The following DLC1 variants were observed in gnomAD, a reference collection of about 807,000 sequenced individuals.
DLC1 encodes rho GTPase-activating protein 7.
Under a neutral mutation model 140.3 loss-of-function variants are expected in DLC1, and 54 were observed. The ratio of observed to expected loss-of-function variants is 0.38; its 90% CI spans 0.31 to 0.48. The LOEUF (loss-of-function observed/expected upper bound fraction) is 0.48, where lower values mean the gene tolerates loss of function less well. Among genes scored for constraint, DLC1 ranks in the 20% least tolerant of loss-of-function variants. The pLI is 0.96. For synonymous variants in DLC1, 986 were observed against 728.1 expected, an observed-to-expected ratio of 1.35 and a Z score of -5.70; for missense variants, 2,536 against 1,907.0, an observed-to-expected ratio of 1.33 and a Z score of -6.14.
chr8:13,519,793 C>A (rs1802708289), upstream of DLC1, among the ~76,000 whole-genome samples: 1 of 152,114 alleles, frequency 6.6e-6, no homozygotes, highest in East Asian at 1.9e-4. Flanking sequence ...AAAAACAACC[C>A]CATCAAATAA....
chr8:13,269,514 G>C (rs1449931750), intron 5 of DLC1, among the ~76,000 whole-genome samples: 1 of 151,788 alleles, frequency 6.6e-6, no homozygotes, highest in East Asian at 1.9e-4. Flanking sequence ...ACAGCAGTTT[G>C]AGACCACCCT....
intron 2 of DLC1, among the ~76,000 whole-genome samples, chr8:13,413,402 A>C (rs959858850): frequency 6.6e-6 from 1 of 151,354 alleles, no homozygotes; most frequent in Non-Finnish European, 1.5e-5. Flanking sequence ...AAAATCCTTA[A>C]TATATTTCTC....
intron 2 of DLC1, among the ~76,000 whole-genome samples, chr8:13,406,181 GTTTT>G (rs77753653): frequency 1.2e-5 from 1 of 84,958 alleles, no homozygotes; most frequent in African/African-American, 4.8e-5. Context: ...TAATTTTTGT[GTTTT>G]TTTTTTTTTT....
chr8:13,328,178 T>C (rs1353723090), intron 4 of DLC1, among the ~76,000 whole-genome samples: 2 of 152,014 alleles, frequency 1.3e-5, no homozygotes, highest in Non-Finnish European at 2.9e-5. Flanking sequence ...AGATAAATGA[T>C]GTGATTTGTG....
intron 4 of DLC1, among the ~76,000 whole-genome samples, chr8:13,328,472 C>A (rs1156279732): frequency 6.6e-6 from 1 of 152,028 alleles, no homozygotes; most frequent in Non-Finnish European, 1.5e-5. Flanking sequence ...GATGAAAGTA[C>A]CATCTATATA....
intron 2 of DLC1, among the ~76,000 whole-genome samples, chr8:13,446,252 T>C (rs1798772507): frequency 6.6e-6 from 1 of 152,230 alleles, no homozygotes; most frequent in Non-Finnish European, 1.5e-5. Context: ...ATGGAAAGTA[T>C]ATGATATAAT....
intron 5 of DLC1, among the ~76,000 whole-genome samples, chr8:13,277,341 C>A (rs987217637): frequency 2.0e-5 from 3 of 152,152 alleles, no homozygotes; most frequent in African/African-American, 7.2e-5. Flanking sequence ...GAAATGGACA[C>A]CTGAGTTTTA....
intron 2 of DLC1, 90 bp downstream of exon 2, chr8:13,498,959 T>C: frequency 1.4e-6 from 2 of 1,438,510 alleles, no homozygotes; most frequent in South Asian, 3.0e-5. Context: ...ACCATCTTCA[T>C]ATCTTTTTAA....
chr8:13,180,441 C>A (rs545992310), intron 5 of DLC1, among the ~76,000 whole-genome samples: 1 of 152,088 alleles, frequency 6.6e-6, no homozygotes, highest in South Asian at 2.1e-4. Flanking sequence ...CTGCTTAAGC[C>A]AGACACTGTG....
At position 13,183,375 on chromosome 8, in the gene DLC1, G is replaced by A. The variant is rs140711849; in HGVS notation, c.1349-67718C>T. 6.2e-3 allele frequency among the ~76,000 whole-genome samples: 942 copies of A among 152,246 alleles called. 16 individuals are homozygous for A. The highest frequency in any genetic ancestry group is 0.021 in the African/African-American group (884 of 41,542). ...AGGTTGAATAGGAGTGGTGAGAGAG[G>A]GCATCCTTGCCTTGTGCCAGTTTTC... On this transcript the variant is annotated intron_variant, in intron 5 of 17. Coordinates refer to ENST00000276297, the MANE Select transcript of DLC1 (RefSeq NM_182643.3).
intron 8 of DLC1, among the ~76,000 whole-genome samples, chr8:13,101,994 A>C (rs76171840): frequency 6.6e-6 from 1 of 152,148 alleles, no homozygotes; most frequent in Non-Finnish European, 1.5e-5. Flanking sequence ...GCTGGCTTCT[A>C]GGACTCTTCT....
At chr8:13,487,198 A>G (rs1801007709) in intron 2 of DLC1, among the ~76,000 whole-genome samples, 1 of 152,214 alleles carries the variant, frequency 6.6e-6, no homozygotes, top group African/African-American at 2.4e-5. Flanking sequence ...ATACTTTTGC[A>G]AGAAGCAAAA....
chr8:13,090,632 A>G (rs1472892689), intron 14 of DLC1, among the ~76,000 whole-genome samples, 162 bp from the exon 15 acceptor site: 1 of 152,160 alleles, frequency 6.6e-6, no homozygotes, highest in Non-Finnish European at 1.5e-5. Flanking sequence ...ACGTGTTATC[A>G]CGAGGATATG....
At chr8:13,572,424 T>G (rs1804694264) in intron 1 of DLC1, among the ~76,000 whole-genome samples, 1 of 152,182 alleles carries the variant, frequency 6.6e-6, no homozygotes, top group African/African-American at 2.4e-5. Context: ...GTATTTTCTC[T>G]TGTTCTGTGG....
chr8:13,286,427 T>G (rs931248378), intron 5 of DLC1, among the ~76,000 whole-genome samples: 1 of 152,110 alleles, frequency 6.6e-6, no homozygotes, highest in South Asian at 2.1e-4. Flanking sequence ...AAATGTATTT[T>G]AATGGTTTCA....
At chr8:13,511,378 C>G (rs993167490) in intron 1 of DLC1, among the ~76,000 whole-genome samples, 1 of 151,694 alleles carries the variant, frequency 6.6e-6, no homozygotes, top group Non-Finnish European at 1.5e-5. Flanking sequence ...TTTATATACT[C>G]TAATCCACTG....
chr8:13,399,011 G>A (rs181247316), intron 3 of DLC1, among the ~76,000 whole-genome samples: 1 of 152,150 alleles, frequency 6.6e-6, no homozygotes, highest in Non-Finnish European at 1.5e-5. Flanking sequence ...AAATGTGGGA[G>A]AAGATCCAGG....
chr8:13,270,596 T>C (rs1010700635), intron 5 of DLC1, among the ~76,000 whole-genome samples: 1 of 152,232 alleles, frequency 6.6e-6, no homozygotes, highest in African/African-American at 2.4e-5. Context: ...CATCAATGTG[T>C]GGAATCAGTT....
chr8:13,439,888 C>T (rs1202561857), intron 2 of DLC1, among the ~76,000 whole-genome samples: 3 of 152,154 alleles, frequency 2.0e-5, no homozygotes, highest in Non-Finnish European at 4.4e-5. Context: ...AATCGCCTCA[C>T]AGAAGTGAAA....
Sources: gnomAD v4.1 joint callset for allele counts (sites outside exome capture counted in the v4.1 genomes callset) on GRCh38, gnomAD v4.1.1 for gene constraint, MANE v1.5 for transcripts, NCBI Gene and HGNC (gene_info 2026-07-23, HGNC 2026-07-21) for gene names.